FAM135B: variants seen among roughly 807,000 people sequenced by gnomAD.
FAM135B encodes protein FAM135B.
Under a neutral mutation model 127.7 loss-of-function variants are expected in FAM135B, and 43 were observed. That is an observed-to-expected ratio of 0.34 (90% CI 0.26 to 0.43). The LOEUF is 0.43. Among genes scored for constraint, FAM135B ranks in the 20% least tolerant of loss-of-function variants. The pLI is 1.00. For synonymous variants in FAM135B, 670 were observed against 665.1 expected, an observed-to-expected ratio of 1.01 and a Z score of -0.11; for missense variants, 1,558 against 1,725.6, an observed-to-expected ratio of 0.90 and a Z score of 1.72.
intron 2 of FAM135B, among the ~76,000 whole-genome samples, chr8:138,336,981 A>G (rs2131029815): frequency 6.6e-6 from 1 of 152,386 alleles, no homozygotes. Flanking sequence ...GTAATCCAGC[A>G]TATAAACAGA....
intron 12 of FAM135B, among the ~76,000 whole-genome samples, chr8:138,156,473 C>CA (rs1176136340): frequency 6.6e-6 from 1 of 151,238 alleles, no homozygotes; most frequent in African/African-American, 2.4e-5. Flanking sequence ...GATAGAGACA[C>CA]AAAAAACCCT....
intron 18 of FAM135B, among the ~76,000 whole-genome samples, chr8:138,137,963 G>A (rs1816803370): frequency 6.6e-6 from 1 of 152,160 alleles, no homozygotes; most frequent in Admixed American, 6.5e-5. Context: ...TCAGCTCTTA[G>A]CTATGTGTGC....
chr8:138,205,217 C>G (rs1215995070), intron 7 of FAM135B, among the ~76,000 whole-genome samples: 1 of 152,192 alleles, frequency 6.6e-6, no homozygotes, highest in Non-Finnish European at 1.5e-5. Flanking sequence ...AGTCTGAGTA[C>G]TCACACCCAT....
intron 12 of FAM135B, among the ~76,000 whole-genome samples, chr8:138,164,495 A>G (rs1819716242): frequency 6.6e-6 from 1 of 152,246 alleles, no homozygotes; most frequent in Non-Finnish European, 1.5e-5. Context: ...GCTAAAGGGA[A>G]AAGCCAAGCT....
At chr8:138,336,763 C>A (rs1240056575) in intron 2 of FAM135B, among the ~76,000 whole-genome samples, 2 of 152,116 alleles carry the variant, frequency 1.3e-5, no homozygotes, top group African/African-American at 4.8e-5. Flanking sequence ...TTTATGAGGC[C>A]AGCATCATCC....
intron 7 of FAM135B, among the ~76,000 whole-genome samples, chr8:138,233,447 G>C (rs947335182): frequency 6.6e-6 from 1 of 152,090 alleles, no homozygotes; most frequent in African/African-American, 2.4e-5. Context: ...ATGATGATGG[G>C]AAAACTGGAT....
At chr8:138,411,335 A>G (rs4289820) in intron 1 of FAM135B, among the ~76,000 whole-genome samples, 2,665 of 152,176 alleles carry the variant, frequency 0.018, 72 homozygotes, top group African/African-American at 0.06. Context: ...AAATAATGCC[A>G]CATATCTACA....
intron 1 of FAM135B, among the ~76,000 whole-genome samples, chr8:138,472,640 A>T (rs1331653874): frequency 6.6e-6 from 1 of 152,178 alleles, no homozygotes; most frequent in Non-Finnish European, 1.5e-5. Context: ...GATAAAGAGT[A>T]GAGGAAGGAG....
intron 7 of FAM135B, among the ~76,000 whole-genome samples, chr8:138,214,388 T>C (rs1818385589): frequency 6.6e-6 from 1 of 152,220 alleles, no homozygotes; most frequent in Admixed American, 6.5e-5. Flanking sequence ...TTATTGGGCA[T>C]TGTTTCTGGA....
At chr8:138,470,103 T>C (rs58797680) in intron 1 of FAM135B, among the ~76,000 whole-genome samples, 3,014 of 152,266 alleles carry the variant, frequency 0.02, 75 homozygotes, top group East Asian at 0.079. Context: ...GAAAACTGCT[T>C]TGAAAGGTAT....
intron 2 of FAM135B, 35 bp from the exon 3 acceptor site, chr8:138,310,955 C>A (rs1272384564): frequency 6.4e-7 from 1 of 1,555,582 alleles, no homozygotes; most frequent in East Asian, 2.3e-5. Context: ...TGCTGAAGAT[C>A]AGCCTTCTTA....
chr8:138,229,686 C>T (rs1819762597), intron 7 of FAM135B, among the ~76,000 whole-genome samples: 1 of 152,136 alleles, frequency 6.6e-6, no homozygotes, highest in Admixed American at 6.5e-5. Flanking sequence ...TAAAGAACTG[C>T]CCGAGACTGG....
intron 1 of FAM135B, among the ~76,000 whole-genome samples, chr8:138,370,044 C>T (rs931241400): frequency 1.3e-5 from 2 of 152,154 alleles, no homozygotes; most frequent in Admixed American, 6.5e-5. Flanking sequence ...TGCATGACTT[C>T]ACACAATCCT....
At chr8:138,471,088 A>G (rs987466449) in intron 1 of FAM135B, among the ~76,000 whole-genome samples, 19 of 152,210 alleles carry the variant, frequency 1.2e-4, no homozygotes, top group African/African-American at 4.6e-4. Flanking sequence ...TGAAATTGCA[A>G]AGCCTTGTGG....
intron 2 of FAM135B, among the ~76,000 whole-genome samples, chr8:138,348,742 G>A (rs1829584826): frequency 6.6e-6 from 1 of 152,232 alleles, no homozygotes; most frequent in Non-Finnish European, 1.5e-5. Flanking sequence ...GAAACTAAGA[G>A]TGAATCCAAT....
intron 1 of FAM135B, among the ~76,000 whole-genome samples, chr8:138,427,545 AAACTT>A: frequency 6.6e-6 from 1 of 152,090 alleles, no homozygotes; most frequent in East Asian, 1.9e-4. Context: ...TGAAATTTGA[AAACTT>A]AACACTGCAA....
chr8:138,306,146 T>C (rs551531934), intron 3 of FAM135B, among the ~76,000 whole-genome samples: 1 of 152,190 alleles, frequency 6.6e-6, no homozygotes, highest in East Asian at 1.9e-4. Flanking sequence ...TAGAAACTAT[T>C]AGATGAGGCC....
chr8:138,160,273 C>T (rs1819230652), intron 12 of FAM135B, among the ~76,000 whole-genome samples: 1 of 152,114 alleles, frequency 6.6e-6, no homozygotes. Flanking sequence ...GGGAGTCATT[C>T]TAACAAATTA....
chr8:138,151,951 G>A lies in FAM135B; in HGVS notation c.2524C>T (p.Pro842Ser), dbSNP rs2130749848. The change falls in exon 13 of 20, where the codon CCC becomes TCC. Residue 842 changes from proline to serine, a missense_variant. By Grantham distance (74) the Pro-to-Ser change is moderately conservative. This residue lies in a region of FAM135B where 923 missense variants were observed against 865.3 expected (regional missense o/e 1.07). Coordinates refer to ENST00000395297, the MANE Select transcript of FAM135B (RefSeq NM_015912.4). ...CCTTTGGGGATGTCTATGTATCCGG[G>A]GCCCTGCTGGTTGTCAGCATCTAAA... is the stretch of plus-strand genomic sequence containing the variant. The part of the protein sequence containing the change: ...IVLDADNQQG[P>S]GYIDIPKGKG... 1 of 1,614,082 alleles carries A rather than the reference G, an allele frequency of 6.2e-7. No homozygotes were observed. The highest frequency in any genetic ancestry group is 8.5e-7 in the Non-Finnish European group (1 of 1,180,012).
Sources: allele counts gnomAD v4.1 joint callset (sites outside exome capture counted in the v4.1 genomes callset), GRCh38; gene constraint gnomAD v4.1.1; regional missense constraint gnomAD v4.1.1; transcripts MANE v1.5; gene names NCBI Gene and HGNC (gene_info 2026-07-23, HGNC 2026-07-21).